PTPRT: variants seen among roughly 807,000 people sequenced by gnomAD.
PTPRT encodes receptor-type tyrosine-protein phosphatase T.
A neutral mutation model predicts 176.8 loss-of-function variants in PTPRT; 56 were observed. The ratio of observed to expected loss-of-function variants is 0.32; its 90% confidence interval spans 0.26 to 0.40. PTPRT has a LOEUF of 0.40. Among genes scored for constraint, PTPRT ranks in the 10% least tolerant of loss-of-function variants. PTPRT has a pLI of 1.00. For missense variants in PTPRT, 1,540 were observed against 1,908.2 expected (o/e 0.81, Z 3.60); for synonymous variants, 783 against 739.0 (o/e 1.06, Z -0.96).
At chr20:42,150,936 C>A (rs1358707034) in intron 17 of PTPRT, among the ~76,000 whole-genome samples, 3 of 152,036 alleles carry the variant, frequency 2.0e-5, no homozygotes, top group Non-Finnish European at 4.4e-5. Context: ...ATAACACACC[C>A]CACGGAATTT....
intron 1 of PTPRT, among the ~76,000 whole-genome samples, chr20:43,072,007 T>G (rs1482117875): frequency 6.6e-6 from 1 of 152,190 alleles, no homozygotes; most frequent in African/African-American, 2.4e-5. Flanking sequence ...AGACATATGA[T>G]CTAGCTCTCT....
intron 17 of PTPRT, among the ~76,000 whole-genome samples, chr20:42,157,730 G>A (rs1989425051): frequency 6.6e-6 from 1 of 152,116 alleles, no homozygotes; most frequent in Non-Finnish European, 1.5e-5. Context: ...AAAGTGGGGA[G>A]TTTTTACCTG....
chr20:42,272,630 A>G (rs1033511244), intron 13 of PTPRT, among the ~76,000 whole-genome samples: 8 of 152,140 alleles, frequency 5.3e-5, no homozygotes, highest in Non-Finnish European at 8.8e-5. Flanking sequence ...TCCTTCCCCA[A>G]AAAGGCAGTC....
chr20:42,516,434 TC>T (rs1568942910), intron 7 of PTPRT, among the ~76,000 whole-genome samples: 1 of 152,130 alleles, frequency 6.6e-6, no homozygotes, highest in Admixed American at 6.5e-5. Flanking sequence ...GACTAGCTTT[TC>T]CCCCTTGTTT....
At chr20:42,071,429 C>A (rs542140918), downstream of PTPRT, among the ~76,000 whole-genome samples, 11 of 152,272 alleles carry the variant, frequency 7.2e-5, no homozygotes, top group South Asian at 2.3e-3. Flanking sequence ...GCATTAAAAA[C>A]AGTGCTTGCC....
intron 15 of PTPRT, among the ~76,000 whole-genome samples, chr20:42,209,236 A>G (rs912563230): frequency 2.5e-4 from 38 of 152,188 alleles, no homozygotes; most frequent in African/African-American, 8.9e-4. Flanking sequence ...AATTAAAAGA[A>G]CTAGAAAAGC....
intron 15 of PTPRT, among the ~76,000 whole-genome samples, chr20:42,201,947 T>C (rs979524797): frequency 1.6e-4 from 9 of 58,000 alleles, no homozygotes; most frequent in African/African-American, 4.9e-4. Flanking sequence ...AAGAGAAAAG[T>C]TGCGTGTGTG....
At chr20:42,637,947 G>T (rs1410614899) in intron 7 of PTPRT, among the ~76,000 whole-genome samples, 1 of 152,126 alleles carries the variant, frequency 6.6e-6, no homozygotes, top group African/African-American at 2.4e-5. Context: ...CTATATGAGA[G>T]AATTTCTGTT....
chr20:42,332,448 G>A (rs574307896), intron 11 of PTPRT, among the ~76,000 whole-genome samples: 1 of 152,192 alleles, frequency 6.6e-6, no homozygotes, highest in South Asian at 2.1e-4. Flanking sequence ...CTGACCTGGT[G>A]ATTCTCCCAC....
intron 6 of PTPRT, among the ~76,000 whole-genome samples, chr20:42,726,801 T>G (rs754549005): frequency 2.8e-4 from 43 of 152,296 alleles, no homozygotes; most frequent in Non-Finnish European, 5.6e-4. Flanking sequence ...GTTCAGTCCC[T>G]CAGCAGATGC....
chr20:42,311,575 C>G (rs1223133500), intron 12 of PTPRT, among the ~76,000 whole-genome samples: 6 of 152,152 alleles, frequency 3.9e-5, no homozygotes, highest in Non-Finnish European at 7.4e-5. Context: ...TAATATAACT[C>G]TATCTCATCC....
intron 12 of PTPRT, among the ~76,000 whole-genome samples, chr20:42,314,238 C>A (rs1264397689): frequency 6.6e-6 from 1 of 151,998 alleles, no homozygotes; most frequent in Non-Finnish European, 1.5e-5. Flanking sequence ...AGAAATATGA[C>A]CACTTTGGGG....
At chr20:43,089,727 A>G (rs1374877776) in intron 1 of PTPRT, among the ~76,000 whole-genome samples, 1 of 152,176 alleles carries the variant, frequency 6.6e-6, no homozygotes, top group East Asian at 1.9e-4. Flanking sequence ...AAGGGCACCA[A>G]TGGTGAAGGC....
At chr20:42,987,079 G>A (rs1268184083) in intron 1 of PTPRT, among the ~76,000 whole-genome samples, 1 of 152,076 alleles carries the variant, frequency 6.6e-6, no homozygotes, top group African/African-American at 2.4e-5. Flanking sequence ...CAGTTGGTGG[G>A]CAGCCATCAT....
chr20:42,106,949 G>A, intron 23 of PTPRT, 28 bp from the exon 24 acceptor site: 2 of 1,607,486 alleles, frequency 1.2e-6, no homozygotes, highest in Non-Finnish European at 1.7e-6. Flanking sequence ...TCTGTGTTAA[G>A]GATCTTCATG....
At chr20:43,040,152 C>T (rs553732955) in intron 1 of PTPRT, among the ~76,000 whole-genome samples, 134 of 152,166 alleles carry the variant, frequency 8.8e-4, no homozygotes, top group African/African-American at 3.1e-3. Flanking sequence ...AAAATGAATG[C>T]CAAACACTAA....
At chr20:42,558,668 T>G (rs893243956) in intron 7 of PTPRT, among the ~76,000 whole-genome samples, 1 of 152,090 alleles carries the variant, frequency 6.6e-6, no homozygotes, top group Admixed American at 6.6e-5. Flanking sequence ...AACCCAACTC[T>G]ACTAATCTCA....
chr20:42,484,002 C>A (rs1327874072), intron 7 of PTPRT, among the ~76,000 whole-genome samples: 3 of 152,220 alleles, frequency 2.0e-5, no homozygotes, highest in Non-Finnish European at 1.5e-5. Context: ...GTTTCCCCAA[C>A]ACTTACAGAG....
chr20:42,870,892 T>C (rs902896035), intron 2 of PTPRT, among the ~76,000 whole-genome samples: 1 of 152,212 alleles, frequency 6.6e-6, no homozygotes, highest in Non-Finnish European at 1.5e-5. Context: ...TAAGGTGATA[T>C]CTCATTGTGG....
Sources: gnomAD v4.1 joint callset for allele counts (sites outside exome capture counted in the v4.1 genomes callset) on GRCh38, gnomAD v4.1.1 for gene constraint, MANE v1.5 for transcripts, NCBI Gene and HGNC (gene_info 2026-07-23, HGNC 2026-07-21) for gene names.